AGMO: variants seen among roughly 807,000 people sequenced by gnomAD.
AGMO encodes glyceryl-ether monooxygenase.
Under a neutral mutation model 60.2 loss-of-function variants are expected in AGMO, and 75 were observed. The ratio of observed to expected loss-of-function variants is 1.25; its 90% CI spans 1.03 to 1.51. The LOEUF (loss-of-function observed/expected upper bound fraction) is 1.51. Among genes scored for constraint, AGMO ranks in the 40% most tolerant of loss-of-function variants. The pLI, the probability that AGMO is intolerant of heterozygous loss-of-function variation, is 0.00. For missense variants in AGMO, 763 were observed against 525.5 expected, an observed-to-expected ratio of 1.45 and a Z score of -4.42; for synonymous variants, 261 against 177.1, an observed-to-expected ratio of 1.47 and a Z score of -3.76.
the AGMO span, among the ~76,000 whole-genome samples, chr7:15,118,314 A>G: frequency 3.9e-5 from 6 of 152,040 alleles, no homozygotes; most frequent in African/African-American, 1.4e-4. Context: ...TCAGATATTG[A>G]CCATAATGAA....
the AGMO span, among the ~76,000 whole-genome samples, chr7:15,189,037 G>A: frequency 7.2e-5 from 11 of 151,930 alleles, no homozygotes; most frequent in South Asian, 2.3e-3. Flanking sequence ...GTGAGATGAA[G>A]AAATAGTCTT....
chr7:15,383,879 T>A (rs1783799699), intron 10 of AGMO, among the ~76,000 whole-genome samples: 2 of 152,194 alleles, frequency 1.3e-5, no homozygotes, highest in Admixed American at 6.5e-5. Flanking sequence ...ATGTTTTTAA[T>A]CTGTTTATGT....
chr7:15,358,743 C>A (rs73064571), intron 12 of AGMO, among the ~76,000 whole-genome samples: 13,103 of 152,104 alleles, frequency 0.086, 673 homozygotes, highest in Admixed American at 0.17. Flanking sequence ...TGTGGTAAAT[C>A]TCTGTCACCC....
At chr7:15,118,161 C>A in the AGMO span, among the ~76,000 whole-genome samples, 3 of 122,424 alleles carry the variant, frequency 2.5e-5, no homozygotes, top group Admixed American at 9.0e-5. Flanking sequence ...AATTTAAAAA[C>A]CACTAAAGAG....
At chr7:15,443,254 A>G (rs946883549) in intron 3 of AGMO, among the ~76,000 whole-genome samples, 1 of 152,174 alleles carries the variant, frequency 6.6e-6, no homozygotes, top group South Asian at 2.1e-4. Flanking sequence ...GGCACATGGT[A>G]ACACATGCCC....
chr7:15,372,445 G>C (rs1783258488), intron 10 of AGMO, among the ~76,000 whole-genome samples: 1 of 152,084 alleles, frequency 6.6e-6, no homozygotes. Flanking sequence ...GTCACAGCGA[G>C]ACTCTGTCTC....
In AGMO at chr7:15,499,625, G is replaced by A. The variant is rs919752308; in HGVS notation, c.409+45147C>T. ...AACCACATATTCATTTCCCCTTTGC[G>A]GCATCCTTTCTAAAATCCATAATGT... On this transcript the variant is annotated intron_variant, in intron 3 of 12. Transcript: ENST00000342526. Among the ~76,000 whole-genome samples, 7 of 151,566 alleles carry A rather than the reference G, an allele frequency of 4.6e-5. No homozygotes were observed. The South Asian group carries it at 8.3e-4, about 18-fold the overall frequency.
At chr7:15,233,940 G>A (rs1782337243) in intron 12 of AGMO, among the ~76,000 whole-genome samples, 1 of 152,066 alleles carries the variant, frequency 6.6e-6, no homozygotes, top group African/African-American at 2.4e-5. Context: ...CCAGCTACTT[G>A]GGAGGCTGAG....
At chr7:15,392,362 T>C (rs1467210818) in intron 6 of AGMO, among the ~76,000 whole-genome samples, 1 of 151,754 alleles carries the variant, frequency 6.6e-6, no homozygotes, top group Admixed American at 6.6e-5. Context: ...TGAGTCAACA[T>C]GCCCGGCCCT....
chr7:15,278,167 A>G (rs1783853153), intron 12 of AGMO, among the ~76,000 whole-genome samples: 1 of 152,060 alleles, frequency 6.6e-6, no homozygotes. Flanking sequence ...GAATCTCTTC[A>G]CTCAGTCCAA....
chr7:15,396,493 A>T (rs1295378612), intron 5 of AGMO: 1 of 152,284 alleles, frequency 6.6e-6, no homozygotes, highest in Admixed American at 6.5e-5. Context: ...GCAGGGACCC[A>T]AAGAACGAGC....
intron 12 of AGMO, among the ~76,000 whole-genome samples, chr7:15,278,975 G>A (rs1783882702): frequency 6.6e-6 from 1 of 152,166 alleles, no homozygotes; most frequent in African/African-American, 2.4e-5. Context: ...CTCTGTGGAT[G>A]GCTGTGGTAG....
intron 5 of AGMO, among the ~76,000 whole-genome samples, chr7:15,394,410 G>A (rs2128486754): frequency 6.6e-6 from 1 of 152,268 alleles, no homozygotes; most frequent in African/African-American, 2.4e-5. Context: ...GTGGTTAAGA[G>A]CTAGACGACT....
intron 5 of AGMO, among the ~76,000 whole-genome samples, chr7:15,416,457 T>C (rs986707139): frequency 6.6e-6 from 1 of 152,192 alleles, no homozygotes; most frequent in African/African-American, 2.4e-5. Context: ...TAAGGTTTTT[T>C]TCCTTCCTTT....
chr7:15,361,546 A>AAAAAAAAAAG (rs60239009), intron 12 of AGMO, among the ~76,000 whole-genome samples: 1 of 91,408 alleles, frequency 1.1e-5, no homozygotes, highest in Non-Finnish European at 2.2e-5. Flanking sequence ...TCTCAAAAAA[A>AAAAAAAAAAG]AAAAAAAAGG....
At position 15,430,797 on chromosome 7, in the gene AGMO, T is replaced by C. The variant is rs1204478100; in HGVS notation, c.513+208A>G. Among the ~76,000 whole-genome samples, 8 of 151,704 alleles carry C rather than the reference T, an allele frequency of 5.3e-5. No individual in the cohort carries two copies. In the East Asian group the frequency reaches 1.2e-3, roughly 22 times the overall value. ...CTTTGAGTTTCTGGGTCAAATAAAA[T>C]GCTTCTATTGAAAAACAGCATTTGC... On this transcript the variant is annotated intron_variant, in intron 4 of 12. Transcript: ENST00000342526.
intron 2 of AGMO, among the ~76,000 whole-genome samples, chr7:15,552,291 A>C (rs1784987788): frequency 6.6e-6 from 1 of 152,362 alleles, no homozygotes; most frequent in South Asian, 2.1e-4. Flanking sequence ...CACCAAAAGC[A>C]TTGGCAACAA....
intron 10 of AGMO, among the ~76,000 whole-genome samples, chr7:15,380,356 TACACCAATG>T (rs1783628351): frequency 1.3e-5 from 2 of 152,258 alleles, no homozygotes; most frequent in African/African-American, 4.8e-5. Flanking sequence ...GGCATTTCTA[TACACCAATG>T]ACAGTCAAAC....
intron 3 of AGMO, among the ~76,000 whole-genome samples, chr7:15,544,149 T>A (rs1381820120): frequency 6.6e-6 from 1 of 150,820 alleles, no homozygotes; most frequent in Non-Finnish European, 1.5e-5. Flanking sequence ...ATGTTCTCAC[T>A]CATATGTGGG....
Sources: allele counts gnomAD v4.1 joint callset (sites outside exome capture counted in the v4.1 genomes callset), GRCh38; gene constraint gnomAD v4.1.1; transcripts MANE v1.5; gene names NCBI Gene and HGNC (gene_info 2026-07-23, HGNC 2026-07-21).